Variants in STAT5B observed in about 807,000 individuals in gnomAD.
The protein encoded by STAT5B is transcription factor STAT5B.
Under a neutral mutation model 107.8 loss-of-function variants are expected in STAT5B, and 21 were observed. The ratio of observed to expected loss-of-function variants is 0.19; its 90% CI spans 0.14 to 0.28. The LOEUF (loss-of-function observed/expected upper bound fraction) is 0.28. STAT5B is among the 10% of genes least tolerant of loss of function. The pLI, the probability that STAT5B is intolerant of heterozygous loss-of-function variation, is 1.00. For synonymous variants in STAT5B, 325 were observed against 401.7 expected, an observed-to-expected ratio of 0.81 and a Z score of 2.28; for missense variants, 565 against 1,008.2, an observed-to-expected ratio of 0.56 and a Z score of 5.95.
intron 16 of STAT5B, among the ~76,000 whole-genome samples, chr17:42,206,828 G>C (rs1034826014): frequency 2.0e-5 from 3 of 150,468 alleles, no homozygotes; most frequent in African/African-American, 7.4e-5. Flanking sequence ...GCCTGCCTCA[G>C]CCTCCCAAAG....
At chr17:42,248,480 C>T (rs547753648) in intron 1 of STAT5B, among the ~76,000 whole-genome samples, 1 of 152,050 alleles carries the variant, frequency 6.6e-6, no homozygotes, top group East Asian at 1.9e-4. Flanking sequence ...TCCACATTTA[C>T]TACAGCACTC....
At chr17:42,218,999 T>A in intron 7 of STAT5B, 121 bp from the exon 8 acceptor site, 1 of 918,190 alleles carries the variant, frequency 1.1e-6, no homozygotes, top group Non-Finnish European at 1.7e-6. Context: ...TTCCCACCCA[T>A]GGGAAGAGCA....
intron 1 of STAT5B, among the ~76,000 whole-genome samples, chr17:42,248,016 G>A (rs2080466369): frequency 6.6e-6 from 1 of 151,772 alleles, no homozygotes; most frequent in African/African-American, 2.4e-5. Context: ...AGTGGCTCAT[G>A]CCTGTAAACC....
intron 1 of STAT5B, among the ~76,000 whole-genome samples, chr17:42,245,776 G>A (rs1020743708): frequency 1.1e-4 from 16 of 151,838 alleles, no homozygotes; most frequent in African/African-American, 2.9e-4. Context: ...TGCCCACCTC[G>A]GCCTCCCAAA....
chr17:42,242,314 C>T (rs1463782538), intron 1 of STAT5B, among the ~76,000 whole-genome samples: 2 of 152,128 alleles, frequency 1.3e-5, no homozygotes, highest in African/African-American at 4.8e-5. Flanking sequence ...TAGACTCAGA[C>T]AAGGATCATC....
chr17:42,210,501 G>C lies in STAT5B; in HGVS notation c.1681-4C>G, dbSNP rs1337899531. The C allele has an allele frequency of 6.2e-7, 1 of 1,612,068 alleles. No homozygotes were observed. The highest frequency in any genetic ancestry group is 8.5e-7 in the Non-Finnish European group (1 of 1,178,302). On this transcript the variant is annotated splice_polypyrimidine_tract_variant and splice_region_variant and intron_variant, in intron 13 of 18. Coordinates refer to ENST00000293328, the MANE Select transcript of STAT5B (RefSeq NM_012448.4). The stretch of plus-strand genomic sequence containing the variant: ...AATTCCGTCCTGGTAAATTCTCCTG[G>C]TTGGAGATACAACAGTGAACATAAG...
At chr17:42,281,662 G>A (rs925690376), upstream of STAT5B, among the ~76,000 whole-genome samples, 2 of 152,188 alleles carry the variant, frequency 1.3e-5, no homozygotes, top group Admixed American at 6.5e-5. Context: ...TGGAGGACTC[G>A]CCACCTGGAG....
chr17:42,201,532 A>G lies in STAT5B; in HGVS notation c.*206T>C, dbSNP rs916779012. On this transcript the variant is annotated 3_prime_UTR_variant, in exon 19 of 19. Transcript: ENST00000293328. The stretch of plus-strand genomic sequence containing the variant: ...CCATAACGTGCAAACACGCACACAC[A>G]CACACACACACACACACACACAAAC... 1 of 642,780 alleles carries G rather than the reference A, an allele frequency of 1.6e-6. No homozygotes were observed. The highest frequency in any genetic ancestry group is 2.8e-6 in the Non-Finnish European group (1 of 352,538). 39.8% of individuals were successfully genotyped at this position (642,780 alleles called of 1,614,324 possible).
In STAT5B at chr17:42,208,321, T is replaced by A. The variant is rs1304831901; in HGVS notation, c.1907-593A>T. Among the ~76,000 whole-genome samples, 4 of 151,970 alleles carry A rather than the reference T, an allele frequency of 2.6e-5. No individual in the cohort carries two copies. The East Asian group carries it at 7.9e-4, about 30-fold the overall frequency. On this transcript the variant is annotated intron_variant, in intron 15 of 18. Coordinates refer to ENST00000293328, the MANE Select transcript of STAT5B (RefSeq NM_012448.4). ...TTCAAGACCAGCCTGGCTAACATGA[T>A]GAACCCTGTCTCTACTAAAAATACA...
At chr17:42,258,162 A>G (rs528255822) in intron 1 of STAT5B, among the ~76,000 whole-genome samples, 8 of 152,360 alleles carry the variant, frequency 5.3e-5, no homozygotes, top group African/African-American at 1.9e-4. Context: ...TTTACATTCA[A>G]TAAATTACAT....
At chr17:42,238,408 C>T (rs1171629365) in intron 1 of STAT5B, among the ~76,000 whole-genome samples, 1 of 151,068 alleles carries the variant, frequency 6.6e-6, no homozygotes, top group Non-Finnish European at 1.5e-5. Context: ...AGTCAGCCTC[C>T]CCCAGAGTGC....
intron 1 of STAT5B, chr17:42,274,891 G>GAA (rs1330761047): frequency 1.3e-5 from 2 of 152,158 alleles, no homozygotes. Flanking sequence ...AACAGCTTTG[G>GAA]AAACCTAAGA....
chr17:42,287,335 C>CCCCT, the STAT5B span, among the ~76,000 whole-genome samples: 8 of 150,764 alleles, frequency 5.3e-5, no homozygotes, highest in Non-Finnish European at 1.0e-4. Context: ...AATGCACCCC[C>CCCCT]CCCAACAGAA....
chr17:42,227,401 A>T, intron 3 of STAT5B, 128 bp downstream of exon 3: 1 of 1,349,312 alleles, frequency 7.4e-7, no homozygotes. Flanking sequence ...AAAGACCAAA[A>T]CCACACAACA....
intron 1 of STAT5B, among the ~76,000 whole-genome samples, chr17:42,248,506 A>G (rs1038256578): frequency 1.6e-4 from 24 of 152,222 alleles, no homozygotes; most frequent in African/African-American, 5.1e-4. Context: ...GGGAGTAAAT[A>G]AAATGCAATT....
Position 42,232,103 on chromosome 17 carries a change from G to A in STAT5B, c.25C>T (p.Gln9Ter). The change falls in exon 2 of 19, where the codon CAG becomes TAG. Residue 9 changes from glutamine (Q) to a stop codon, truncating the protein, a stop_gained. Transcript: ENST00000293328. LOFTEE classifies it high-confidence loss of function. ...TGATGAAGGGCTTCTCCTTGGAGCTGCTGAGCTTGTATCCACACAGCCATG... is the reference window on the plus strand; with the variant it reads ...TGATGAAGGGCTTCTCCTTGGAGCTACTGAGCTTGTATCCACACAGCCATG... MAVWIQAQ[Q>*]LQGEALHQMQ... 6.2e-7 allele frequency: 1 copy of A among 1,613,996 alleles called. No individual in the cohort carries two copies. Among genetic ancestry groups the A allele is most frequent in the Non-Finnish European group, 8.5e-7 (1 of 1,179,966 alleles).
chr17:42,248,830 C>A (rs1266963153), intron 1 of STAT5B, among the ~76,000 whole-genome samples: 6 of 152,252 alleles, frequency 3.9e-5, no homozygotes, highest in African/African-American at 1.4e-4. Flanking sequence ...GCAGCGAATT[C>A]TTGCCAACTT....
intron 16 of STAT5B, among the ~76,000 whole-genome samples, chr17:42,203,779 A>G (rs2080064946): frequency 6.6e-6 from 1 of 151,992 alleles, no homozygotes; most frequent in Admixed American, 6.6e-5. Flanking sequence ...GGTGCGCACC[A>G]CCATGCCCAG....
At chr17:42,278,218 T>A (rs2080779713), upstream of STAT5B, among the ~76,000 whole-genome samples, 1 of 152,216 alleles carries the variant, frequency 6.6e-6, no homozygotes, top group African/African-American at 2.4e-5. Flanking sequence ...ATTACAGCAC[T>A]TCTTGTGTTG....
Sources: gnomAD v4.1 joint callset for allele counts (sites outside exome capture counted in the v4.1 genomes callset) on GRCh38, gnomAD v4.1.1 for gene constraint, MANE v1.5 for transcripts, NCBI Gene and HGNC (gene_info 2026-07-23, HGNC 2026-07-21) for gene names.